Variants in TSPAN8 observed in about 807,000 individuals in gnomAD.
TSPAN8 encodes the protein tetraspanin 8, also known as tetraspanin-8.
A neutral mutation model predicts 32.8 loss-of-function variants in TSPAN8; 21 were observed. That is an observed-to-expected ratio of 0.64 (90% CI 0.45 to 0.92). TSPAN8 has a LOEUF of 0.92. TSPAN8 is among the 40% of genes least tolerant of loss of function. The pLI is 0.00. For synonymous variants in TSPAN8, 95 were observed against 94.6 expected, an observed-to-expected ratio of 1.00 and a Z score of -0.03; for missense variants, 269 against 281.9, an observed-to-expected ratio of 0.95 and a Z score of 0.33.
At chr12:71,154,428 C>T (rs928062068) in intron 2 of TSPAN8, among the ~76,000 whole-genome samples, 1 of 151,418 alleles carries the variant, frequency 6.6e-6, no homozygotes, top group East Asian at 1.9e-4. Flanking sequence ...CTACCCTGAA[C>T]CCTATCAAGG....
At chr12:71,126,126 C>T (rs1294089372) in intron 8 of TSPAN8, among the ~76,000 whole-genome samples, 2 of 152,102 alleles carry the variant, frequency 1.3e-5, no homozygotes, top group African/African-American at 2.4e-5. Context: ...TTTCCTCCCC[C>T]ACCAGCCCCT....
chr12:71,134,061 A>C (rs896637182), intron 6 of TSPAN8, among the ~76,000 whole-genome samples: 3 of 152,210 alleles, frequency 2.0e-5, no homozygotes, highest in Non-Finnish European at 4.4e-5. Flanking sequence ...AAAATCATTT[A>C]TTACACATTA....
rs536694237 is a variant in TSPAN8 at position 71,133,093 on chromosome 12, T to G, written c.445-269A>C. On this transcript the variant is annotated intron_variant, in intron 6 of 8. Transcript: ENST00000247829. Reference sequence around the variant, plus strand: ...AACTCACCTACTAGGTTTTTTATTTTTATTTTTTTGAGATGGAGTCTTGCT... The same window carrying G: ...AACTCACCTACTAGGTTTTTTATTTGTATTTTTTTGAGATGGAGTCTTGCT... Among the ~76,000 whole-genome samples the G allele has an allele frequency of 2.6e-5, 4 of 152,218 alleles. No homozygotes were observed. In the East Asian group the frequency reaches 7.7e-4, roughly 29 times the overall value.
At chr12:71,135,672 T>G (rs1871674177) in intron 6 of TSPAN8, among the ~76,000 whole-genome samples, 1 of 152,100 alleles carries the variant, frequency 6.6e-6, no homozygotes. Context: ...GAGAACATGC[T>G]ACAACAAACA....
At chr12:71,153,967 A>G (rs1004142076) in intron 2 of TSPAN8, among the ~76,000 whole-genome samples, 5 of 152,256 alleles carry the variant, frequency 3.3e-5, no homozygotes, top group African/African-American at 1.2e-4. Context: ...CATCAGAAAG[A>G]CTTGTCTCTG....
At chr12:71,128,517 G>A (rs1234191258) in intron 8 of TSPAN8, among the ~76,000 whole-genome samples, 4 of 152,126 alleles carry the variant, frequency 2.6e-5, no homozygotes, top group African/African-American at 9.7e-5. Flanking sequence ...GATTGTGAGT[G>A]AATTTGATCT....
chr12:71,155,567 A>G (rs1872399347), intron 2 of TSPAN8, among the ~76,000 whole-genome samples: 1 of 152,170 alleles, frequency 6.6e-6, no homozygotes, highest in African/African-American at 2.4e-5. Context: ...CACAGTGTGG[A>G]CCTTATTTAG....
chr12:71,140,814 A>G (rs1012472386), intron 3 of TSPAN8, among the ~76,000 whole-genome samples: 6 of 152,170 alleles, frequency 3.9e-5, no homozygotes, highest in Non-Finnish European at 8.8e-5. Flanking sequence ...TATGTAGCCC[A>G]TTTGCCTTCT....
intron 2 of TSPAN8, among the ~76,000 whole-genome samples, chr12:71,146,859 T>C (rs1203900801): frequency 6.6e-6 from 1 of 152,150 alleles, no homozygotes; most frequent in African/African-American, 2.4e-5. Flanking sequence ...TAACCTCCAA[T>C]GTATCTGTTT....
chr12:71,126,747 C>G (rs989012368), intron 8 of TSPAN8, among the ~76,000 whole-genome samples: 1 of 148,886 alleles, frequency 6.7e-6, no homozygotes, highest in Non-Finnish European at 1.5e-5. Context: ...AGTGATGGCT[C>G]TCAGTGTGTA....
intron 8 of TSPAN8, among the ~76,000 whole-genome samples, chr12:71,126,793 C>A (rs936999866): frequency 3.3e-5 from 5 of 151,046 alleles, no homozygotes; most frequent in African/African-American, 1.2e-4. Flanking sequence ...AAGGAAAGTG[C>A]TGATCATCTT....
intron 6 of TSPAN8, among the ~76,000 whole-genome samples, chr12:71,133,491 A>G (rs376041998): frequency 2.6e-4 from 39 of 152,336 alleles, no homozygotes; most frequent in African/African-American, 9.4e-4. Context: ...TTGTTGCTCA[A>G]AAGAGACATG....
intron 3 of TSPAN8, among the ~76,000 whole-genome samples, chr12:71,143,331 A>T (rs1871963973): frequency 6.6e-6 from 1 of 152,148 alleles, no homozygotes; most frequent in Admixed American, 6.5e-5. Flanking sequence ...CAATCCCCGC[A>T]CACTCGCCCC....
chr12:71,157,834 A>T, intron 1 of TSPAN8, 47 bp from the exon 2 acceptor site: 1 of 605,762 alleles, frequency 1.7e-6, no homozygotes, highest in Non-Finnish European at 3.0e-6. Context: ...AGGAATAAAA[A>T]GTTATTAAAC....
intron 8 of TSPAN8, among the ~76,000 whole-genome samples, chr12:71,125,595 CA>C (rs1871326166): frequency 6.6e-6 from 1 of 152,046 alleles, no homozygotes; most frequent in Admixed American, 6.6e-5. Flanking sequence ...GTGTTTTAAT[CA>C]GCTTTTTTAG....
intron 4 of TSPAN8, chr12:71,139,255 G>A: frequency 8.7e-6 from 4 of 458,084 alleles, no homozygotes; most frequent in Admixed American, 7.1e-5. Flanking sequence ...CTGCCACGTT[G>A]TCTTTCCGGA....
chr12:71,157,929 C>T lies in TSPAN8; in HGVS notation c.-110+1G>A. On this transcript the variant is annotated splice_donor_variant, in intron 1 of 8. Transcript: ENST00000247829. LOFTEE classifies it low-confidence loss of function (5UTR_SPLICE). Reference sequence around the variant, plus strand: ...AAATATCTCAAAGGCTATTAACTCACACATTTAAATATCGCAAAGGCTATC... The same window carrying T: ...AAATATCTCAAAGGCTATTAACTCATACATTTAAATATCGCAAAGGCTATC... 1 of 463,788 alleles carries T rather than the reference C, an allele frequency of 2.2e-6. No homozygotes were observed. Among genetic ancestry groups the T allele is most frequent in the Non-Finnish European group, 3.8e-6 (1 of 260,158 alleles). 28.7% of individuals were successfully genotyped at this position (463,788 alleles called of 1,614,324 possible).
At chr12:71,147,861 G>A (rs1174958002) in intron 2 of TSPAN8, among the ~76,000 whole-genome samples, 2 of 152,116 alleles carry the variant, frequency 1.3e-5, no homozygotes, top group African/African-American at 2.4e-5. Flanking sequence ...TAGATCCCCT[G>A]TATCCATGTT....
chr12:71,129,770 C>T (rs1371035234), intron 7 of TSPAN8, among the ~76,000 whole-genome samples: 1 of 151,964 alleles, frequency 6.6e-6, no homozygotes, highest in Non-Finnish European at 1.5e-5. Context: ...ATATATTTTA[C>T]AACATAAAAG....
Sources: allele counts gnomAD v4.1 joint callset (sites outside exome capture counted in the v4.1 genomes callset), GRCh38; gene constraint gnomAD v4.1.1; transcripts MANE v1.5; gene names NCBI Gene and HGNC (gene_info 2026-07-23, HGNC 2026-07-21).